Variants in FRS2 observed in about 807,000 individuals in gnomAD.
FRS2 encodes fibroblast growth factor receptor substrate 2.
Under a neutral mutation model 43.9 loss-of-function variants are expected in FRS2, and 8 were observed. That is an observed-to-expected ratio of 0.18 (90% CI 0.11 to 0.33). The LOEUF is 0.33. Among genes scored for constraint, FRS2 ranks in the 10% least tolerant of loss-of-function variants. The pLI, the probability that FRS2 is intolerant of heterozygous loss-of-function variation, is 1.00. For missense variants in FRS2, 534 were observed against 627.6 expected (o/e 0.85, Z 1.59); for synonymous variants, 219 against 220.3 (o/e 0.99, Z 0.05).
intron 1 of FRS2, among the ~76,000 whole-genome samples, chr12:69,528,327 T>G (rs1876461705): frequency 6.6e-6 from 1 of 152,240 alleles, no homozygotes; most frequent in South Asian, 2.1e-4. Flanking sequence ...CCTGGTGGTC[T>G]TGATATCTAA....
chr12:69,533,787 G>A (rs1450280109), intron 3 of FRS2, among the ~76,000 whole-genome samples: 3 of 152,066 alleles, frequency 2.0e-5, no homozygotes, highest in Admixed American at 6.6e-5. Flanking sequence ...TCCCCTCCCC[G>A]CCAAATTATT....
At chr12:69,558,008 A>G (rs1235495407) in intron 3 of FRS2, among the ~76,000 whole-genome samples, 3 of 152,108 alleles carry the variant, frequency 2.0e-5, no homozygotes, top group African/African-American at 7.2e-5. Context: ...GTGTTGTTTT[A>G]CACACAAACA....
chr12:69,520,536 T>G (rs1471714434), intron 1 of FRS2, among the ~76,000 whole-genome samples: 1 of 152,152 alleles, frequency 6.6e-6, no homozygotes, highest in Non-Finnish European at 1.5e-5. Context: ...CTTCCAGAGT[T>G]TTTATAGTTT....
intron 1 of FRS2, among the ~76,000 whole-genome samples, chr12:69,478,865 C>T (rs1871098754): frequency 1.3e-5 from 2 of 151,956 alleles, no homozygotes; most frequent in African/African-American, 2.4e-5. Context: ...TACTTGTGAT[C>T]TCTGACATAC....
At chr12:69,500,640 A>G (rs895660880) in intron 1 of FRS2, among the ~76,000 whole-genome samples, 1 of 152,180 alleles carries the variant, frequency 6.6e-6, no homozygotes, top group African/African-American at 2.4e-5. Context: ...TCAGTAAATG[A>G]CATTTGTAGA....
chr12:69,573,025 G>A (rs1045672602), intron 8 of FRS2, among the ~76,000 whole-genome samples: 1 of 152,178 alleles, frequency 6.6e-6, no homozygotes, highest in African/African-American at 2.4e-5. Context: ...TAGAGACCGG[G>A]TTTCACCATG....
At chr12:69,563,191 A>G (rs1386020165) in intron 4 of FRS2, among the ~76,000 whole-genome samples, 1 of 152,220 alleles carries the variant, frequency 6.6e-6, no homozygotes, top group African/African-American at 2.4e-5. Flanking sequence ...GTCTTCAAAT[A>G]TTAATCTGGT....
chr12:69,515,997 G>A (rs1180597663), intron 1 of FRS2, among the ~76,000 whole-genome samples: 1 of 147,274 alleles, frequency 6.8e-6, no homozygotes, highest in African/African-American at 2.5e-5. Context: ...AAATGGTAAA[G>A]ACAAACTCCC....
At position 69,505,386 on chromosome 12, in the gene FRS2, A is replaced by G. The variant is rs956482399; in HGVS notation, c.-260-25479A>G. Among the ~76,000 whole-genome samples, 5 of 152,234 alleles carry G rather than the reference A, an allele frequency of 3.3e-5. No individual in the cohort carries two copies. In the South Asian group the frequency reaches 1.0e-3, roughly 31 times the overall value. On this transcript the variant is annotated intron_variant, in intron 1 of 8. Coordinates refer to ENST00000549921, the MANE Select transcript of FRS2 (RefSeq NM_001278356.2). ...CTTGAAATACTAATTCCATAAAATA[A>G]AGGATATACATAATAAGAATCTGTT...
intron 4 of FRS2, among the ~76,000 whole-genome samples, chr12:69,566,329 A>G (rs1470728687): frequency 1.3e-5 from 2 of 152,174 alleles, no homozygotes; most frequent in African/African-American, 2.4e-5. Context: ...TTAGCTCTTC[A>G]TATTTCACAA....
intron 1 of FRS2, among the ~76,000 whole-genome samples, chr12:69,495,450 C>A (rs1385083178): frequency 1.3e-5 from 2 of 152,156 alleles, no homozygotes; most frequent in Non-Finnish European, 2.9e-5. Flanking sequence ...TGATTGTTTT[C>A]TCATGTCTGT....
intron 1 of FRS2, among the ~76,000 whole-genome samples, chr12:69,476,613 A>G (rs1688690615): frequency 6.6e-6 from 1 of 152,118 alleles, no homozygotes; most frequent in Non-Finnish European, 1.5e-5. Flanking sequence ...TGGGTTATGT[A>G]AGTGGAGTCA....
chr12:69,474,436 A>C (rs1028479901), intron 1 of FRS2, among the ~76,000 whole-genome samples: 8 of 151,816 alleles, frequency 5.3e-5, no homozygotes, highest in East Asian at 1.9e-4. Flanking sequence ...GAAAAAAAAA[A>C]CTTCTGTTTT....
chr12:69,484,231 C>T (rs1002095103), intron 1 of FRS2, among the ~76,000 whole-genome samples: 1 of 151,930 alleles, frequency 6.6e-6, no homozygotes, highest in East Asian at 1.9e-4. Context: ...ACTACAGGCG[C>T]CCACCACCAC....
intron 1 of FRS2, among the ~76,000 whole-genome samples, chr12:69,510,150 T>A (rs528075652): frequency 3.7e-4 from 56 of 152,312 alleles, no homozygotes; most frequent in Non-Finnish European, 6.6e-4. Flanking sequence ...GTGCTTCTGC[T>A]GCAGCACTTT....
chr12:69,570,382 C>G lies in FRS2; in HGVS notation c.118C>G (p.Leu40Val), dbSNP rs1880648205. Residue 40 changes from leucine (L) to valine (V), a missense_variant, in exon 6 of 9, where the codon CTT becomes GTT. Around this residue, in one of 3 missense-constraint regions of FRS2, gnomAD observed 76 missense variants for 90.5 expected, o/e 0.84. Coordinates refer to ENST00000549921, the MANE Select transcript of FRS2 (RefSeq NM_001278356.2). ...TGAGTTAGGTTCTGGCATAATGGAACTTACAGACACAGAACTGATTTTATA... is the reference window on the plus strand; with the variant it reads ...TGAGTTAGGTTCTGGCATAATGGAAGTTACAGACACAGAACTGATTTTATA... ...GNELGSGIME[L>V]TDTELILYTR... 2 of 1,613,662 alleles carry G rather than the reference C, an allele frequency of 1.2e-6. No individual in the cohort carries two copies. The highest frequency in any genetic ancestry group is 1.7e-6 in the Non-Finnish European group (2 of 1,179,722).
chr12:69,552,758 G>A (rs1247509916), intron 3 of FRS2, among the ~76,000 whole-genome samples: 9 of 152,028 alleles, frequency 5.9e-5, no homozygotes, highest in Admixed American at 5.9e-4. Context: ...TGGGCGTGGT[G>A]GCGCATGCCT....
chr12:69,538,196 T>TA (rs57635940), intron 3 of FRS2, among the ~76,000 whole-genome samples: 1,348 of 56,720 alleles, frequency 0.024, 31 homozygotes, highest in African/African-American at 0.052. Flanking sequence ...AAAAACAAAT[T>TA]TTATATATAT....
At chr12:69,556,504 T>C (rs1031572543) in intron 3 of FRS2, among the ~76,000 whole-genome samples, 1 of 152,156 alleles carries the variant, frequency 6.6e-6, no homozygotes, top group Non-Finnish European at 1.5e-5. Flanking sequence ...GGCTAATTTT[T>C]GTATAGAGAC....
Sources: allele counts gnomAD v4.1 joint callset (sites outside exome capture counted in the v4.1 genomes callset), GRCh38; gene constraint gnomAD v4.1.1; regional missense constraint gnomAD v4.1.1; transcripts MANE v1.5; gene names NCBI Gene and HGNC (gene_info 2026-07-23, HGNC 2026-07-21).